Variants in ZBTB46 observed in about 807,000 individuals in gnomAD.
ZBTB46 encodes zinc finger and BTB domain containing 46, also known as zinc finger and BTB domain-containing protein 46.
ZBTB46 carries 8 observed loss-of-function variants against 44.1 expected under a neutral mutation model. That is an observed-to-expected ratio of 0.18 (90% CI 0.11 to 0.33). The LOEUF (loss-of-function observed/expected upper bound fraction) is 0.33, where lower values mean the gene tolerates loss of function less well. ZBTB46 is among the 10% of genes least tolerant of loss of function. The pLI is 1.00. For missense variants in ZBTB46, 651 were observed against 847.7 expected (o/e 0.77, Z 2.88); for synonymous variants, 409 against 382.3 (o/e 1.07, Z -0.81).
Position 63,746,823 on chromosome 20 carries a change from G to A in ZBTB46, c.*107C>T. The A allele has an allele frequency of 7.1e-7, 1 of 1,404,662 alleles. No homozygotes were observed. Among genetic ancestry groups the A allele is most frequent in the South Asian group, 1.6e-5 (1 of 63,804 alleles). The allele number at this position is 1,404,662 out of a possible 1,614,324, so 87.0% of individuals were successfully genotyped here. A position where few individuals can be genotyped will look rare whatever the true frequency, so the allele number is the denominator to read the frequency against. On this transcript the variant is annotated 3_prime_UTR_variant, in exon 5 of 5. Transcript: ENST00000245663. ...GTGGGTTCAGGGGGAAGCAGAGGAG[G>A]GGCCGCGAGAGGGGTGAGCGTGGCC...
At chr20:63,821,091 C>G (rs1356823447) in intron 1 of ZBTB46, among the ~76,000 whole-genome samples, 1 of 151,802 alleles carries the variant, frequency 6.6e-6, no homozygotes, top group African/African-American at 2.4e-5. Flanking sequence ...CGGGGTTTCA[C>G]CATGTTGGCC....
intron 2 of ZBTB46, among the ~76,000 whole-genome samples, chr20:63,777,003 C>T (rs948075145): frequency 6.6e-6 from 1 of 151,108 alleles, no homozygotes; most frequent in Non-Finnish European, 1.5e-5. Context: ...CCACACAATA[C>T]GGTTCCAGCA....
rs561497098 is a variant in ZBTB46, at chr20:63,779,662, C to T, written c.938-3700G>A. Among the ~76,000 whole-genome samples, 4 of 151,914 alleles carry T rather than the reference C, an allele frequency of 2.6e-5. No homozygotes were observed. In the South Asian group the frequency reaches 8.4e-4, roughly 32 times the overall value. Reference sequence around the variant, plus strand: ...GTCTCGATCTCTTGACCTCGTGATTCGCCCCCCTCAGCCTCCGAGAGTGCT... The same window carrying T: ...GTCTCGATCTCTTGACCTCGTGATTTGCCCCCCTCAGCCTCCGAGAGTGCT... On this transcript the variant is annotated intron_variant, in intron 2 of 4. Transcript: ENST00000245663.
intron 4 of ZBTB46, among the ~76,000 whole-genome samples, chr20:63,748,899 T>A (rs1349409466): frequency 6.6e-6 from 1 of 152,234 alleles, no homozygotes; most frequent in African/African-American, 2.4e-5. Flanking sequence ...ACGGTCCTGC[T>A]ACACTTGCAA....
intron 3 of ZBTB46, among the ~76,000 whole-genome samples, chr20:63,754,649 G>T (rs1283770887): frequency 6.6e-6 from 1 of 151,014 alleles, no homozygotes; most frequent in African/African-American, 2.4e-5. Flanking sequence ...ACCCAGGCTG[G>T]AGTGCAGTGG....
intron 2 of ZBTB46, among the ~76,000 whole-genome samples, chr20:63,785,235 A>AAAG (rs1190210550): frequency 6.2e-5 from 9 of 145,082 alleles, no homozygotes; most frequent in Middle Eastern, 3.7e-3. Context: ...AAAAAAAAAA[A>AAAG]AAAAGAAAAG....
At chr20:63,811,376 C>G (rs912469605) in intron 1 of ZBTB46, among the ~76,000 whole-genome samples, 7 of 152,224 alleles carry the variant, frequency 4.6e-5, no homozygotes, top group Admixed American at 3.9e-4. Context: ...CCCCACCCCA[C>G]CTCTCATACA....
chr20:63,796,998 G>GGTTTTT (rs985081185), intron 1 of ZBTB46, among the ~76,000 whole-genome samples: 2 of 152,040 alleles, frequency 1.3e-5, no homozygotes, highest in Admixed American at 6.6e-5. Flanking sequence ...GGTGAAACCC[G>GGTTTTT]GTTTTTGTTT....
intron 1 of ZBTB46, among the ~76,000 whole-genome samples, chr20:63,821,180 C>T (rs2092790075): frequency 2.0e-5 from 3 of 147,392 alleles, no homozygotes; most frequent in South Asian, 2.1e-4. Context: ...CCACTGCGCC[C>T]GGCCTTTTTT....
At position 63,773,938 on chromosome 20, in the gene ZBTB46, G is replaced by C. The variant is rs150852457; in HGVS notation, c.1222+1740C>G. ...GACAAGTACACTTTTGCATTTGAGAGGGGACGGGGCCAACATCTTGGAGCA... is the reference window on the plus strand; with the variant it reads ...GACAAGTACACTTTTGCATTTGAGACGGGACGGGGCCAACATCTTGGAGCA... On this transcript the variant is annotated intron_variant, in intron 3 of 4. Coordinates refer to ENST00000245663, the MANE Select transcript of ZBTB46 (RefSeq NM_001369741.1). 5.1e-3 allele frequency among the ~76,000 whole-genome samples: 773 copies of C among 152,272 alleles called. 6 individuals carry two copies. Among genetic ancestry groups the C allele is most frequent in the African/African-American group, 0.018 (738 of 41,548 alleles).
In ZBTB46 at chr20:63,803,510, C is replaced by T. The variant is rs971996659; in HGVS notation, c.-33-12720G>A. On this transcript the variant is annotated intron_variant, in intron 1 of 4. Coordinates refer to ENST00000245663, the MANE Select transcript of ZBTB46 (RefSeq NM_001369741.1). This position sits in a 1 kb window ranked among gnomAD's most constrained non-coding sequence, Gnocchi z 4.0. The stretch of plus-strand genomic sequence containing the variant: ...ACTTTAGGTTTTCCACATGGCAGCC[C>T]CCATGTGGCCATCTGAAGATGCAAA... 5.1e-6 allele frequency: 5 copies of T among 985,200 alleles called. No homozygotes were observed. In the African/African-American group the frequency reaches 8.7e-5, roughly 17 times the overall value. The allele number at this position is 985,200 out of a possible 1,614,324, so 61.0% of individuals were successfully genotyped here.
At chr20:63,751,683 G>C in intron 4 of ZBTB46, among the ~76,000 whole-genome samples, 1 of 112,078 alleles carries the variant, frequency 8.9e-6, no homozygotes, top group African/African-American at 3.6e-5. Context: ...CCCGCCCCCC[G>C]GTGGGTCTCC....
rs1445647881 is a variant in ZBTB46, at chr20:63,767,317, C to T, written c.1222+8361G>A. On this transcript the variant is annotated intron_variant, in intron 3 of 4. Coordinates refer to ENST00000245663, the MANE Select transcript of ZBTB46 (RefSeq NM_001369741.1). This position sits in a 1 kb window ranked among gnomAD's most constrained non-coding sequence, Gnocchi z 5.0. The stretch of plus-strand genomic sequence containing the variant: ...ACACATTGGCAATCCCGTAGGATCT[C>T]GGTCATCTGAACCCCGTCGGGCAGA... Among the ~76,000 whole-genome samples, 1 of 152,056 alleles carries T rather than the reference C, an allele frequency of 6.6e-6. No individual in the cohort carries two copies. The highest frequency in any genetic ancestry group is 2.4e-5 in the African/African-American group (1 of 41,404).
At chr20:63,816,736 A>C (rs966389494) in intron 1 of ZBTB46, among the ~76,000 whole-genome samples, 2 of 152,158 alleles carry the variant, frequency 1.3e-5, no homozygotes, top group Non-Finnish European at 2.9e-5. Context: ...CTTTGCAAAT[A>C]TAATCAAGTT....
rs1290036691 is a variant in ZBTB46 at position 63,752,783 on chromosome 20, T to C, written c.1301A>G (p.Lys434Arg). The change falls in exon 4 of 5, where the codon AAG becomes AGG. Residue 434 changes from lysine to arginine, a missense_variant. Coordinates refer to ENST00000245663, the MANE Select transcript of ZBTB46 (RefSeq NM_001369741.1). The surrounding 1 kb of genome is among the most constrained non-coding windows in gnomAD (Gnocchi z 5.6). ...SFSAMHQCIL[K>R]RHMRSHTGER... ...TCCCGTGTGCGAGCGCATGTGTCGC[T>C]TGAGGATGCACTGGTGCATGGCCGA... 1.2e-6 allele frequency: 2 copies of C among 1,613,000 alleles called. No homozygotes were observed. The highest frequency in any genetic ancestry group is 1.3e-5 in the African/African-American group (1 of 74,912).
chr20:63,808,810 T>C (rs1487515451), intron 1 of ZBTB46, among the ~76,000 whole-genome samples: 4 of 150,798 alleles, frequency 2.7e-5, no homozygotes, highest in Admixed American at 2.0e-4. Context: ...CCGTCTCTAC[T>C]AAAAAATACA....
chr20:63,787,422 C>T lies in ZBTB46; in HGVS notation c.937+2399G>A, dbSNP rs913495927. On this transcript the variant is annotated intron_variant, in intron 2 of 4. Transcript: ENST00000245663. This position sits in a 1 kb window ranked among gnomAD's most constrained non-coding sequence, Gnocchi z 4.6. ...TCATGTTCCCTCAGCACTCGCTCAC[C>T]CAGGGCAACCTGCAGTGCAGCAAGC... Among the ~76,000 whole-genome samples, 1 of 152,234 alleles carries T rather than the reference C, an allele frequency of 6.6e-6. No homozygotes were observed. The highest frequency in any genetic ancestry group is 1.5e-5 in the Non-Finnish European group (1 of 68,030).
intron 1 of ZBTB46, 94 bp from the exon 2 acceptor site, chr20:63,790,884 A>G: frequency 7.0e-7 from 1 of 1,434,520 alleles, no homozygotes; most frequent in African/African-American, 1.4e-5. Flanking sequence ...TGGGGCACAG[A>G]GTGCGGCCAG....
intron 3 of ZBTB46, among the ~76,000 whole-genome samples, chr20:63,766,956 T>G (rs2092325309): frequency 6.6e-6 from 1 of 152,114 alleles, no homozygotes; most frequent in Admixed American, 6.5e-5. Flanking sequence ...GAATGGGGGA[T>G]GCCTATCCCC....
Sources: gnomAD v4.1 joint callset for allele counts (sites outside exome capture counted in the v4.1 genomes callset) on GRCh38, gnomAD v4.1.1 for gene constraint, Gnocchi (gnomAD v3.1) non-coding constraint, MANE v1.5 for transcripts, NCBI Gene and HGNC (gene_info 2026-07-23, HGNC 2026-07-21) for gene names.